The following LDB2 variants were observed in gnomAD, a reference collection of about 807,000 sequenced individuals.
LDB2 encodes LIM domain binding 2, also known as LIM domain-binding protein 2.
A neutral mutation model predicts 44.3 loss-of-function variants in LDB2; 12 were observed. The ratio of observed to expected loss-of-function variants is 0.27; its 90% confidence interval spans 0.17 to 0.44. The LOEUF (loss-of-function observed/expected upper bound fraction) is 0.44, where lower values mean the gene tolerates loss of function less well. LDB2 is among the 20% of genes least tolerant of loss of function. The pLI, the probability that LDB2 is intolerant of heterozygous loss-of-function variation, is 1.00. For synonymous variants in LDB2, 164 were observed against 174.8 expected (o/e 0.94, Z 0.49); for missense variants, 344 against 473.5 (o/e 0.73, Z 2.54).
chr4:16,671,093 T>C (rs1744616131), intron 2 of LDB2, among the ~76,000 whole-genome samples: 1 of 144,574 alleles, frequency 6.9e-6, no homozygotes, highest in African/African-American at 2.5e-5. Context: ...AAAATTCTTT[T>C]TAAAATAGCA....
intron 6 of LDB2, among the ~76,000 whole-genome samples, chr4:16,511,125 C>G (rs557950539): frequency 3.9e-5 from 6 of 152,270 alleles, no homozygotes; most frequent in African/African-American, 1.4e-4. Context: ...ATTCATTTTA[C>G]ATAAAACCCC....
rs1367479090 is a variant in LDB2, at chr4:16,533,825, T to C, written c.616-21721A>G. Among the ~76,000 whole-genome samples the C allele has an allele frequency of 6.6e-6, 1 of 152,352 alleles. No individual in the cohort carries two copies. The highest frequency in any genetic ancestry group is 2.1e-4 in the South Asian group (1 of 4,828). On this transcript the variant is annotated intron_variant, in intron 5 of 7. Transcript: ENST00000304523. The surrounding 1 kb of genome is among the most constrained non-coding windows in gnomAD (Gnocchi z 4.1). ...CAAAGGGAATACAGATTAATGCCTC[T>C]AAGCAAGAGAGTATTTAATGCTTCC...
At chr4:16,691,395 A>G (rs1434478594) in intron 2 of LDB2, among the ~76,000 whole-genome samples, 1 of 152,226 alleles carries the variant, frequency 6.6e-6, no homozygotes, top group African/African-American at 2.4e-5. Context: ...CTGCAACGAT[A>G]ATATTCTTTG....
intron 5 of LDB2, among the ~76,000 whole-genome samples, chr4:16,549,118 T>A (rs1736780170): frequency 6.6e-6 from 1 of 152,214 alleles, no homozygotes. Context: ...TTTTTCTAGA[T>A]ATCATAGAGC....
At position 16,662,888 on chromosome 4, in the gene LDB2, C is replaced by T. The variant is rs551213832; in HGVS notation, c.236-67013G>A. ...TTCTTCATTGTAATATGAAAATGGA[C>T]TAATACATATATGTTATATAGTTTT... On this transcript the variant is annotated intron_variant, in intron 2 of 7. Transcript: ENST00000304523. Among the ~76,000 whole-genome samples the T allele has an allele frequency of 2.2e-3, 327 of 151,946 alleles. 4 individuals are homozygous for T. Among genetic ancestry groups the T allele is most frequent in the African/African-American group, 7.3e-3 (304 of 41,408 alleles).
chr4:16,809,141 G>T (rs1050537948), intron 1 of LDB2, among the ~76,000 whole-genome samples: 1 of 152,132 alleles, frequency 6.6e-6, no homozygotes, highest in South Asian at 2.1e-4. Flanking sequence ...ATTGAAAAGA[G>T]CCTGGGCCCC....
chr4:16,756,109 C>T (rs1561117369), intron 2 of LDB2, among the ~76,000 whole-genome samples: 1 of 152,196 alleles, frequency 6.6e-6, no homozygotes, highest in Non-Finnish European at 1.5e-5. Flanking sequence ...ACATCATCAT[C>T]TCTTCAATTA....
chr4:16,753,097 C>A (rs1218163071), intron 2 of LDB2, among the ~76,000 whole-genome samples: 2 of 152,190 alleles, frequency 1.3e-5, no homozygotes, highest in Non-Finnish European at 2.9e-5. Context: ...CACTTGAAAT[C>A]CCATTCCCCA....
chr4:16,893,521 C>G (rs1270629999), intron 1 of LDB2, among the ~76,000 whole-genome samples: 1 of 150,928 alleles, frequency 6.6e-6, no homozygotes, highest in Non-Finnish European at 1.5e-5. Flanking sequence ...CCCTCCTCCC[C>G]ACCCCCTCCC....
At chr4:16,664,417 G>A (rs1742444008) in intron 2 of LDB2, among the ~76,000 whole-genome samples, 1 of 152,198 alleles carries the variant, frequency 6.6e-6, no homozygotes, top group South Asian at 2.1e-4. Context: ...AAGGGACTAA[G>A]ACAATATGGA....
intron 2 of LDB2, among the ~76,000 whole-genome samples, chr4:16,710,672 T>A (rs1251292601): frequency 6.6e-6 from 1 of 152,190 alleles, no homozygotes; most frequent in East Asian, 1.9e-4. Flanking sequence ...AAAAAAAGTG[T>A]GTCTCTAAGG....
chr4:16,718,675 C>G (rs1049567695), intron 2 of LDB2, among the ~76,000 whole-genome samples: 1 of 152,044 alleles, frequency 6.6e-6, no homozygotes, highest in Non-Finnish European at 1.5e-5. Context: ...TACTTCCTAC[C>G]CTAGAGATTC....
At chr4:16,872,723 A>T (rs1332801261) in intron 1 of LDB2, among the ~76,000 whole-genome samples, 1 of 152,238 alleles carries the variant, frequency 6.6e-6, no homozygotes, top group Non-Finnish European at 1.5e-5. Flanking sequence ...ACAATCAAAA[A>T]TAATATTTGC....
At chr4:16,647,409 A>G (rs891747671) in intron 2 of LDB2, among the ~76,000 whole-genome samples, 3 of 152,226 alleles carry the variant, frequency 2.0e-5, no homozygotes, top group Non-Finnish European at 4.4e-5. Flanking sequence ...TATACTTTAA[A>G]TAGGTGAATT....
At position 16,646,464 on chromosome 4, in the gene LDB2, G is replaced by A. The variant is rs553350532; in HGVS notation, c.236-50589C>T. On this transcript the variant is annotated intron_variant, in intron 2 of 7. Coordinates refer to ENST00000304523, the MANE Select transcript of LDB2 (RefSeq NM_001290.5). ...ACAGGTAGAGCAAACTTTCCCATGC[G>A]TTCAACTTTGAGCTTAGCTGTGTGA... 4.6e-5 allele frequency among the ~76,000 whole-genome samples: 7 copies of A among 152,240 alleles called. No homozygotes were observed. In the East Asian group the frequency reaches 7.7e-4, roughly 17 times the overall value.
chr4:16,614,272 G>C (rs1274172673), intron 2 of LDB2, among the ~76,000 whole-genome samples: 1 of 152,096 alleles, frequency 6.6e-6, no homozygotes, highest in Non-Finnish European at 1.5e-5. Context: ...ATTAACTCAA[G>C]ATTGATTAAA....
intron 3 of LDB2, among the ~76,000 whole-genome samples, chr4:16,592,622 A>G (rs1264117984): frequency 6.6e-6 from 1 of 151,802 alleles, no homozygotes; most frequent in Non-Finnish European, 1.5e-5. Context: ...TAAGGTAAGA[A>G]GGATGAACTG....
intron 2 of LDB2, among the ~76,000 whole-genome samples, chr4:16,611,821 C>T (rs1008075901): frequency 6.6e-6 from 1 of 152,096 alleles, no homozygotes; most frequent in African/African-American, 2.4e-5. Flanking sequence ...AGAAAATTAA[C>T]AAGGATATCC....
chr4:16,590,918 A>T (rs1291225405), intron 3 of LDB2, among the ~76,000 whole-genome samples: 1 of 152,186 alleles, frequency 6.6e-6, no homozygotes, highest in Non-Finnish European at 1.5e-5. Flanking sequence ...TTAATTTACG[A>T]AGACATTAAA....
Sources: allele counts gnomAD v4.1 joint callset (sites outside exome capture counted in the v4.1 genomes callset), GRCh38; gene constraint gnomAD v4.1.1; non-coding constraint Gnocchi (gnomAD v3.1); transcripts MANE v1.5; gene names NCBI Gene and HGNC (gene_info 2026-07-23, HGNC 2026-07-21).